Variants in ZBTB2 observed in about 807,000 individuals in gnomAD.
The protein encoded by ZBTB2 is zinc finger and BTB domain-containing protein 2.
ZBTB2 carries 2 observed loss-of-function variants against 39.5 expected under a neutral mutation model. That is an observed-to-expected ratio of 0.05 (90% CI 0.02 to 0.16). ZBTB2 has a LOEUF of 0.16. Ranked by LOEUF, ZBTB2 falls within the 10% of genes least tolerant of loss-of-function variation. ZBTB2 has a pLI of 1.00. For missense variants in ZBTB2, 391 were observed against 653.0 expected, an observed-to-expected ratio of 0.60 and a Z score of 4.37; for synonymous variants, 251 against 256.6, an observed-to-expected ratio of 0.98 and a Z score of 0.21.
chr6:151,379,040 G>A (rs1467196149), intron 1 of ZBTB2, among the ~76,000 whole-genome samples: 1 of 152,180 alleles, frequency 6.6e-6, no homozygotes, highest in Non-Finnish European at 1.5e-5. Flanking sequence ...TGTGCTACAT[G>A]ACAGTGTGTT....
intron 2 of ZBTB2, among the ~76,000 whole-genome samples, chr6:151,367,238 A>T (rs1316414568): frequency 2.0e-5 from 3 of 151,876 alleles, no homozygotes; most frequent in African/African-American, 7.3e-5. Flanking sequence ...CTCCTGCCTC[A>T]GCCTCCCGAG....
At chr6:151,388,517 G>C (rs1779212519) in intron 1 of ZBTB2, among the ~76,000 whole-genome samples, 1 of 152,164 alleles carries the variant, frequency 6.6e-6, no homozygotes, top group Non-Finnish European at 1.5e-5. Flanking sequence ...ATATCTATGG[G>C]GTTGGGGTGA....
In ZBTB2 at chr6:151,365,273, A is replaced by C. The variant is rs1347418603; in HGVS notation, c.*248T>G. ...GCTTCTGAATAATCTAAAACCTCTC[A>C]AAATTTGAGTTTATAAGTATAATGA... On this transcript the variant is annotated 3_prime_UTR_variant, in exon 3 of 3. Coordinates refer to ENST00000325144, the MANE Select transcript of ZBTB2 (RefSeq NM_020861.3). The surrounding 1 kb of genome is among the most constrained non-coding windows in gnomAD (Gnocchi z 5.6). 2.5e-6 allele frequency: 1 copy of C among 403,066 alleles called. No homozygotes were observed. The highest frequency in any genetic ancestry group is 4.6e-5 in the East Asian group (1 of 21,754). 25.0% of individuals were successfully genotyped at this position (403,066 alleles called of 1,614,324 possible).
intron 1 of ZBTB2, among the ~76,000 whole-genome samples, chr6:151,383,936 G>C (rs189993747): frequency 2.6e-5 from 4 of 152,276 alleles, no homozygotes; most frequent in Admixed American, 2.6e-4. Context: ...ATATGGCCTA[G>C]GGTTTAGTAT....
intron 1 of ZBTB2, among the ~76,000 whole-genome samples, chr6:151,389,897 G>A (rs576590560): frequency 1.3e-5 from 2 of 152,214 alleles, no homozygotes; most frequent in African/African-American, 4.8e-5. Flanking sequence ...AGCTTCCTTT[G>A]CAGCTTCTGG....
chr6:151,378,837 A>G (rs1778974002), intron 1 of ZBTB2, among the ~76,000 whole-genome samples: 1 of 152,234 alleles, frequency 6.6e-6, no homozygotes, highest in Admixed American at 6.5e-5. Context: ...TTTCTTATGG[A>G]GTGCTACTAT....
Position 151,365,935 on chromosome 6 carries a change from G to A in ZBTB2, c.1131C>T (p.His377=), listed in dbSNP as rs1325911063. 8 of 1,614,080 alleles carry A rather than the reference G, an allele frequency of 5.0e-6. No individual in the cohort carries two copies. The highest frequency in any genetic ancestry group is 6.8e-6 in the Non-Finnish European group (8 of 1,180,066). Residue 377 remains histidine (H), a synonymous_variant, in exon 3 of 3, where the codon CAC becomes CAT. Coordinates refer to ENST00000325144, the MANE Select transcript of ZBTB2 (RefSeq NM_020861.3). This position sits in a 1 kb window ranked among gnomAD's most constrained non-coding sequence, Gnocchi z 5.6. ...TGTGTATGTACATGTGTTCCCTCCA[G>A]TGGCTTTTCTGGATAAATTTGCGTC... The part of the protein sequence containing the change: ...ICGRKFIQKS[H]WREHMYIHTG...
chr6:151,381,566 T>TA (rs1279003551), intron 1 of ZBTB2, among the ~76,000 whole-genome samples: 1 of 151,734 alleles, frequency 6.6e-6, no homozygotes, highest in East Asian at 1.9e-4. Context: ...AATAAATAAA[T>TA]AAAATCCTTC....
intron 1 of ZBTB2, among the ~76,000 whole-genome samples, chr6:151,385,314 G>A (rs1355556223): frequency 6.6e-6 from 1 of 152,208 alleles, no homozygotes; most frequent in Non-Finnish European, 1.5e-5. Context: ...TAATGCTTTG[G>A]TTTTCATTGC....
At chr6:151,389,290 G>T (rs1779232133) in intron 1 of ZBTB2, among the ~76,000 whole-genome samples, 1 of 152,064 alleles carries the variant, frequency 6.6e-6, no homozygotes, top group South Asian at 2.1e-4. Context: ...AGAAAAAAAT[G>T]ACCTTTTAAC....
rs1316435424 is a variant in ZBTB2, at chr6:151,385,952, G to A, written c.-13+5468C>T. ...TTTCCTTAGTCAACCTTCTTCCATAGTAATTAGAAAAGAGAGAGGCATAAA... is the reference window on the plus strand; with the variant it reads ...TTTCCTTAGTCAACCTTCTTCCATAATAATTAGAAAAGAGAGAGGCATAAA... On this transcript the variant is annotated intron_variant, in intron 1 of 2. Transcript: ENST00000325144. Among the ~76,000 whole-genome samples the A allele has an allele frequency of 2.6e-5, 4 of 152,142 alleles. No homozygotes were observed. The East Asian group carries it at 7.7e-4, about 29-fold the overall frequency.
Position 151,365,845 on chromosome 6 carries a change from G to C in ZBTB2, c.1221C>G (p.Arg407=). ...CGATGCTCTGGTTGAGGCACACGTG[G>C]CGGGCAGCCTGGTTGGCCCTGCAAA... The part of the protein sequence containing the change: ...KSFCRANQAA[R]HVCLNQSIDT... Residue 407 remains arginine (R), a synonymous_variant, in exon 3 of 3, where the codon CGC becomes CGG. Coordinates refer to ENST00000325144, the MANE Select transcript of ZBTB2 (RefSeq NM_020861.3). The surrounding 1 kb of genome is among the most constrained non-coding windows in gnomAD (Gnocchi z 5.6). 6.2e-7 allele frequency: 1 copy of C among 1,614,220 alleles called. No homozygotes were observed. The highest frequency in any genetic ancestry group is 8.5e-7 in the Non-Finnish European group (1 of 1,180,044).
intron 1 of ZBTB2, among the ~76,000 whole-genome samples, chr6:151,391,011 CTTCCTCCCT>C (rs1338618251): frequency 1.4e-5 from 2 of 143,378 alleles, no homozygotes; most frequent in African/African-American, 5.2e-5. Context: ...CCCCCCTCCC[CTTCCTCCCT>C]CCCACCCTCC....
chr6:151,379,252 G>T lies in ZBTB2; in HGVS notation c.-12-5603C>A, dbSNP rs1013868240. Among the ~76,000 whole-genome samples, 3 of 152,174 alleles carry T rather than the reference G, an allele frequency of 2.0e-5. 1 individual carries two copies. The highest frequency in any genetic ancestry group is 6.5e-5 in the Admixed American group (1 of 15,286). On this transcript the variant is annotated intron_variant, in intron 1 of 2. Coordinates refer to ENST00000325144, the MANE Select transcript of ZBTB2 (RefSeq NM_020861.3). ...TGTATGCCTTTAATAATGAAGTAAA[G>T]CTTATTTTTACATTTATTGACCATT...
chr6:151,382,177 T>C (rs922073623), intron 1 of ZBTB2, among the ~76,000 whole-genome samples: 12 of 152,262 alleles, frequency 7.9e-5, no homozygotes, highest in Non-Finnish European at 1.3e-4. Flanking sequence ...TATAATCTTA[T>C]GGGACCATTG....
Position 151,366,785 on chromosome 6 carries a change from C to A in ZBTB2, c.281G>T (p.Arg94Leu), listed in dbSNP as rs376506691. ...CAGAAACTTGATGCCCTGTTCTAAT[C>A]GAACCGGGTCGATGAGCTGAGGCGC... is the stretch of plus-strand genomic sequence containing the variant. The part of the protein sequence containing the change: ...KMAPQLIDPV[R>L]LEQGIKFLHA... The change falls in exon 3 of 3, where the codon CGA becomes CTA. Residue 94 changes from arginine to leucine, a missense_variant. Physicochemically the swap from Arg to Leu is moderately radical, Grantham distance 102. This residue lies in a region of ZBTB2 where 175 missense variants were observed against 198.6 expected (regional missense o/e 0.88). Coordinates refer to ENST00000325144, the MANE Select transcript of ZBTB2 (RefSeq NM_020861.3). The surrounding 1 kb of genome is among the most constrained non-coding windows in gnomAD (Gnocchi z 7.1). 2.5e-6 allele frequency: 4 copies of A among 1,614,076 alleles called. No individual in the cohort carries two copies. In the Admixed American group the frequency reaches 5.0e-5, roughly 20 times the overall value.
chr6:151,366,409 C>T lies in ZBTB2; in HGVS notation c.657G>A (p.Glu219=). Reference sequence around the variant, plus strand: ...CGGAGGAAGATGCTTCCAGATTGGTCTCCTCCCCGGGAGGAGGGGGAGGAA... The same window carrying T: ...CGGAGGAAGATGCTTCCAGATTGGTTTCCTCCCCGGGAGGAGGGGGAGGAA... The part of the protein sequence containing the change: ...TPVPPPPPGE[E]TNLEASSSDE... Residue 219 remains glutamate, a synonymous_variant, in exon 3 of 3, where the codon GAG becomes GAA. Coordinates refer to ENST00000325144, the MANE Select transcript of ZBTB2 (RefSeq NM_020861.3). The surrounding 1 kb of genome is among the most constrained non-coding windows in gnomAD (Gnocchi z 7.1). 6.2e-7 allele frequency: 1 copy of T among 1,614,052 alleles called. No individual in the cohort carries two copies. Among genetic ancestry groups the T allele is most frequent in the African/African-American group, 1.3e-5 (1 of 75,004 alleles).
chr6:151,388,104 C>A, intron 1 of ZBTB2, among the ~76,000 whole-genome samples: 1 of 149,056 alleles, frequency 6.7e-6, no homozygotes, highest in African/African-American at 2.5e-5. Context: ...ATGTTCAGTT[C>A]CCTTTTAGGT....
At chr6:151,391,019 C>G (rs1779290974) in intron 1 of ZBTB2, among the ~76,000 whole-genome samples, 1 of 136,644 alleles carries the variant, frequency 7.3e-6, no homozygotes, top group Non-Finnish European at 1.6e-5. Context: ...CCCTTCCTCC[C>G]TCCCACCCTC....
Sources: allele counts gnomAD v4.1 joint callset (sites outside exome capture counted in the v4.1 genomes callset), GRCh38; gene constraint gnomAD v4.1.1; regional missense constraint gnomAD v4.1.1; non-coding constraint Gnocchi (gnomAD v3.1); transcripts MANE v1.5; gene names NCBI Gene and HGNC (gene_info 2026-07-23, HGNC 2026-07-21).